NYAP2: variants seen among roughly 807,000 people sequenced by gnomAD.
NYAP2 encodes neuronal tyrosine-phosphorylated phosphoinositide-3-kinase adaptor 2, also known as neuronal tyrosine-phosphorylated phosphoinositide-3-kinase adapter 2.
A neutral mutation model predicts 50.4 loss-of-function variants in NYAP2; 23 were observed. The observed-to-expected ratio is 0.46, with a 90% confidence interval of 0.33 to 0.65. NYAP2 has a LOEUF of 0.65. NYAP2 is among the 30% of genes least tolerant of loss of function. NYAP2 has a pLI of 0.02. For missense variants in NYAP2, 885 were observed against 861.0 expected (o/e 1.03, Z -0.35); for synonymous variants, 394 against 365.2 (o/e 1.08, Z -0.90).
chr2:225,410,178 A>G (rs1695011720), intron 3 of NYAP2, among the ~76,000 whole-genome samples: 3 of 152,138 alleles, frequency 2.0e-5, no homozygotes, highest in Admixed American at 2.0e-4. Context: ...TGAAAGCAAA[A>G]AACTAGAAAT....
At chr2:225,692,870 T>TACACAC in the NYAP2 span, among the ~76,000 whole-genome samples, 13 of 132,720 alleles carry the variant, frequency 9.8e-5, no homozygotes, top group African/African-American at 2.0e-4. Context: ...TCTTTAAACA[T>TACACAC]ACACACACAC....
intron 6 of NYAP2, among the ~76,000 whole-genome samples, chr2:225,641,389 T>C (rs1266903066): frequency 6.6e-6 from 1 of 151,192 alleles, no homozygotes; most frequent in East Asian, 1.9e-4. Context: ...TTTATTGTCA[T>C]CTACTGTCCA....
At chr2:225,539,946 T>C (rs1409418632) in intron 4 of NYAP2, among the ~76,000 whole-genome samples, 2 of 152,174 alleles carry the variant, frequency 1.3e-5, no homozygotes, top group Non-Finnish European at 2.9e-5. Flanking sequence ...TAATCATCTC[T>C]CTCAAGTTCA....
At chr2:225,548,009 A>G (rs1691613837) in intron 4 of NYAP2, among the ~76,000 whole-genome samples, 1 of 152,186 alleles carries the variant, frequency 6.6e-6, no homozygotes, top group Non-Finnish European at 1.5e-5. Flanking sequence ...TTATTTAAAA[A>G]GAAAGTTGCA....
At chr2:225,566,997 G>A (rs1691972757) in intron 4 of NYAP2, among the ~76,000 whole-genome samples, 1 of 152,050 alleles carries the variant, frequency 6.6e-6, no homozygotes, top group South Asian at 2.1e-4. Flanking sequence ...GAGAAAATGT[G>A]TCATTAGGCA....
At chr2:225,570,450 C>T (rs950817658) in intron 4 of NYAP2, among the ~76,000 whole-genome samples, 2 of 152,172 alleles carry the variant, frequency 1.3e-5, no homozygotes, top group African/African-American at 4.8e-5. Context: ...AATTGACTCA[C>T]AGTTCTGCAT....
chr2:225,529,656 G>T (rs1691218642), intron 4 of NYAP2, among the ~76,000 whole-genome samples: 2 of 149,808 alleles, frequency 1.3e-5, no homozygotes, highest in African/African-American at 4.9e-5. Flanking sequence ...ATGTTCCCTG[G>T]GAGATAACTT....
intron 4 of NYAP2, among the ~76,000 whole-genome samples, chr2:225,566,145 G>A (rs1459219578): frequency 1.3e-5 from 2 of 152,026 alleles, no homozygotes; most frequent in East Asian, 1.9e-4. Flanking sequence ...CCCCCAAAGC[G>A]CATTGTCTGA....
intron 5 of NYAP2, among the ~76,000 whole-genome samples, chr2:225,595,969 CT>C (rs1194782524): frequency 2.0e-5 from 3 of 152,144 alleles, no homozygotes; most frequent in African/African-American, 7.2e-5. Context: ...TCTCCTGATT[CT>C]TTTAAACCTT....
At chr2:225,467,042 T>C (rs1689929696) in intron 3 of NYAP2, among the ~76,000 whole-genome samples, 1 of 152,226 alleles carries the variant, frequency 6.6e-6, no homozygotes. Flanking sequence ...TACGTTGGCA[T>C]ACTTCCGGAT....
exon 3 of NYAP2, chr2:225,408,870 T>A: frequency 1.3e-6 from 2 of 1,575,602 alleles, no homozygotes; most frequent in Non-Finnish European, 1.7e-6. Context: ...GCAGGCAGTG[T>A]TCCTCTTTAC....
chr2:225,571,459 C>T (rs879596612), intron 4 of NYAP2, among the ~76,000 whole-genome samples: 1 of 152,214 alleles, frequency 6.6e-6, no homozygotes, highest in Non-Finnish European at 1.5e-5. Flanking sequence ...GGTGAAGATT[C>T]CCAAACCCCA....
At chr2:225,416,112 G>T (rs1187126187) in intron 3 of NYAP2, among the ~76,000 whole-genome samples, 1 of 152,116 alleles carries the variant, frequency 6.6e-6, no homozygotes, top group African/African-American at 2.4e-5. Context: ...GCTTCCTCTT[G>T]TGTTTGTGAT....
At chr2:225,655,915 CACACACACACACATACACACAT>C (rs1373019471), downstream of NYAP2, among the ~76,000 whole-genome samples, 10 of 147,680 alleles carry the variant, frequency 6.8e-5, no homozygotes, top group African/African-American at 2.2e-4. Context: ...CACACACACA[CACACACACACACATACACACAT>C]ACACACACAC....
intron 6 of NYAP2, among the ~76,000 whole-genome samples, chr2:225,631,754 G>T (rs1040797331): frequency 2.0e-5 from 3 of 152,110 alleles, no homozygotes; most frequent in Non-Finnish European, 2.9e-5. Flanking sequence ...GCCAAAAATG[G>T]CAAAAATGTA....
intron 3 of NYAP2, among the ~76,000 whole-genome samples, chr2:225,471,545 T>C (rs897654536): frequency 6.6e-6 from 1 of 152,202 alleles, no homozygotes. Context: ...ATTAGACATA[T>C]AGTAACATAT....
chr2:225,514,357 G>A (rs1413286121), intron 4 of NYAP2, among the ~76,000 whole-genome samples: 2 of 152,220 alleles, frequency 1.3e-5, no homozygotes, highest in Non-Finnish European at 2.9e-5. Flanking sequence ...TGGTGGGAAA[G>A]TAGCCTTAAG....
chr2:225,502,713 C>T (rs1177111394), intron 3 of NYAP2, among the ~76,000 whole-genome samples: 2 of 152,240 alleles, frequency 1.3e-5, no homozygotes, highest in African/African-American at 4.8e-5. Flanking sequence ...TGAGAAGCCA[C>T]ATCTTCCCAT....
intron 3 of NYAP2, among the ~76,000 whole-genome samples, chr2:225,441,157 T>TATTCCACAG (rs1461490067): frequency 6.6e-6 from 1 of 152,352 alleles, no homozygotes; most frequent in East Asian, 1.9e-4. Flanking sequence ...AAGAGCTACG[T>TATTCCACAG]ATTCCACAGG....
Sources: gnomAD v4.1 joint callset for allele counts (sites outside exome capture counted in the v4.1 genomes callset) on GRCh38, gnomAD v4.1.1 for gene constraint, MANE v1.5 for transcripts, NCBI Gene and HGNC (gene_info 2026-07-23, HGNC 2026-07-21) for gene names.